TINAG: variants seen among roughly 807,000 people sequenced by gnomAD.
The protein encoded by TINAG is tubulointerstitial nephritis antigen.
In TINAG, 83 loss-of-function variants were observed where a neutral mutation model predicts 72.7. The ratio of observed to expected loss-of-function variants is 1.14; its 90% confidence interval spans 0.96 to 1.37. The LOEUF (loss-of-function observed/expected upper bound fraction) is 1.37. Among genes scored for constraint, TINAG ranks in the 40% most tolerant of loss-of-function variants. The pLI, the probability that TINAG is intolerant of heterozygous loss-of-function variation, is 0.00. For missense variants in TINAG, 685 were observed against 576.6 expected, an observed-to-expected ratio of 1.19 and a Z score of -1.93; for synonymous variants, 234 against 189.9, an observed-to-expected ratio of 1.23 and a Z score of -1.91.
At chr6:54,374,387 C>T (rs186548172) in intron 9 of TINAG, among the ~76,000 whole-genome samples, 1 of 152,156 alleles carries the variant, frequency 6.6e-6, no homozygotes, top group Non-Finnish European at 1.5e-5. Context: ...TAATATTTTG[C>T]TCAAGTAGAA....
intron 8 of TINAG, among the ~76,000 whole-genome samples, chr6:54,353,719 A>G (rs1785322286): frequency 6.6e-6 from 1 of 151,864 alleles, no homozygotes; most frequent in Admixed American, 6.6e-5. Context: ...TCTGTCAAAC[A>G]CTAGTTACCT....
At chr6:54,333,988 A>T (rs779491218) in intron 4 of TINAG, among the ~76,000 whole-genome samples, 8 of 152,182 alleles carry the variant, frequency 5.3e-5, no homozygotes, top group Non-Finnish European at 1.0e-4. Context: ...GTTTTCTAGC[A>T]TTCTTATGCT....
intron 9 of TINAG, chr6:54,369,777 T>C (rs990867388): frequency 6.6e-6 from 1 of 152,028 alleles, no homozygotes; most frequent in Non-Finnish European, 1.5e-5. Flanking sequence ...TAGAAACACA[T>C]AAATTTAATC....
At chr6:54,331,146 C>T (rs958348237) in intron 4 of TINAG, among the ~76,000 whole-genome samples, 1 of 152,104 alleles carries the variant, frequency 6.6e-6, no homozygotes, top group Non-Finnish European at 1.5e-5. Flanking sequence ...CTGGCAGAGA[C>T]ACGACAAAAA....
Position 54,308,741 on chromosome 6 carries a change from A to G in TINAG, c.191A>G (p.Glu64Gly), listed in dbSNP as rs1352182730. 3 of 1,613,788 alleles carry G rather than the reference A, an allele frequency of 1.9e-6. No homozygotes were observed. The highest frequency in any genetic ancestry group is 2.5e-6 in the Non-Finnish European group (3 of 1,179,904). Residue 64 changes from glutamate (E) to glycine (G), a missense_variant, in exon 1 of 11, where the codon GAA becomes GGA. Glu to Gly is a moderately conservative substitution (Grantham distance 98). Coordinates refer to ENST00000259782, the MANE Select transcript of TINAG (RefSeq NM_014464.4). Reference sequence around the variant, plus strand: ...TACTGTAGAAATTTTGGCTGTTGTGAAGACAGAGATGATGGCTGTGTCACT... The same window carrying G: ...TACTGTAGAAATTTTGGCTGTTGTGGAGACAGAGATGATGGCTGTGTCACT... ...GQYCRNFGCCEDRDDGCVTEF... is the reference protein window; with the variant it reads ...GQYCRNFGCCGDRDDGCVTEF...
intron 4 of TINAG, among the ~76,000 whole-genome samples, chr6:54,334,889 A>G (rs1275806233): frequency 1.3e-5 from 2 of 152,218 alleles, no homozygotes; most frequent in Non-Finnish European, 2.9e-5. Flanking sequence ...CCCTACAATC[A>G]TAAGATTTAA....
chr6:54,315,915 A>G (rs975874020), intron 1 of TINAG, among the ~76,000 whole-genome samples: 1 of 152,138 alleles, frequency 6.6e-6, no homozygotes, highest in African/African-American at 2.4e-5. Flanking sequence ...GAAGAGGGTT[A>G]TTTACTTCTT....
rs1322404016 is a variant in TINAG at position 54,347,877 on chromosome 6, T to C, written c.899+360T>C. ...CTGCTGTGCTTTTCAGTTACCCAGA[T>C]TGATGAACAGATAATGTCAGGTAAA... On this transcript the variant is annotated intron_variant, in intron 6 of 10. Coordinates refer to ENST00000259782, the MANE Select transcript of TINAG (RefSeq NM_014464.4). 3.3e-5 allele frequency among the ~76,000 whole-genome samples: 5 copies of C among 152,054 alleles called. No homozygotes were observed. In the South Asian group the frequency reaches 6.2e-4, roughly 19 times the overall value.
intron 9 of TINAG, among the ~76,000 whole-genome samples, chr6:54,368,062 G>T (rs541454766): frequency 1.3e-5 from 2 of 151,598 alleles, no homozygotes; most frequent in African/African-American, 2.4e-5. Context: ...ATTTTGGGGG[G>T]ACACAAACTT....
intron 3 of TINAG, 60 bp downstream of exon 3, chr6:54,321,446 T>C: frequency 8.6e-7 from 1 of 1,168,622 alleles, no homozygotes. Flanking sequence ...CAGGTTTCAA[T>C]GTATTGCTTG....
chr6:54,359,137 A>G (rs1763150532), intron 9 of TINAG, among the ~76,000 whole-genome samples: 1 of 151,910 alleles, frequency 6.6e-6, no homozygotes, highest in African/African-American at 2.4e-5. Flanking sequence ...CTTAAAATTC[A>G]TTCCATTTTA....
intron 1 of TINAG, among the ~76,000 whole-genome samples, chr6:54,313,781 T>C (rs1784311824): frequency 6.6e-6 from 1 of 152,126 alleles, no homozygotes; most frequent in Non-Finnish European, 1.5e-5. Context: ...TGATTTAAAA[T>C]AATAAAATAT....
intron 9 of TINAG, among the ~76,000 whole-genome samples, chr6:54,376,712 G>A (rs1249329804): frequency 1.3e-5 from 2 of 151,988 alleles, no homozygotes; most frequent in Admixed American, 6.6e-5. Flanking sequence ...AACCTTAGAA[G>A]TACAGGATCT....
chr6:54,321,506 G>T (rs1248102134), intron 3 of TINAG, 120 bp downstream of exon 3: 1 of 669,980 alleles, frequency 1.5e-6, no homozygotes, highest in East Asian at 2.8e-5. Flanking sequence ...AGAGAAATAG[G>T]AAGGGAGATA....
intron 4 of TINAG, among the ~76,000 whole-genome samples, chr6:54,339,229 T>C (rs1263556937): frequency 6.6e-6 from 1 of 152,206 alleles, no homozygotes; most frequent in African/African-American, 2.4e-5. Context: ...TTAAATAAGA[T>C]AGAAACTGAT....
At chr6:54,374,112 G>T (rs1763711372) in intron 9 of TINAG, among the ~76,000 whole-genome samples, 1 of 151,994 alleles carries the variant, frequency 6.6e-6, no homozygotes, top group Admixed American at 6.6e-5. Flanking sequence ...TCTTTTCATA[G>T]GTCAAATTAC....
chr6:54,351,287 A>G (rs979937800), intron 7 of TINAG, 65 bp from the exon 8 acceptor site: 1 of 1,407,144 alleles, frequency 7.1e-7, no homozygotes, highest in Non-Finnish European at 1.0e-6. Flanking sequence ...AACATTGTAC[A>G]CCAATCAATG....
At chr6:54,327,244 G>T in intron 4 of TINAG, 5 of 1,443,348 alleles carry the variant, frequency 3.5e-6, no homozygotes, top group Non-Finnish European at 4.6e-6. Context: ...ATTACCAACT[G>T]AGGTACACGG....
chr6:54,376,870 A>G (rs1763798153), intron 9 of TINAG, among the ~76,000 whole-genome samples: 1 of 152,140 alleles, frequency 6.6e-6, no homozygotes, highest in Admixed American at 6.6e-5. Context: ...AAGAGCTTAA[A>G]TAATTATGTG....
Sources: gnomAD v4.1 joint callset for allele counts (sites outside exome capture counted in the v4.1 genomes callset) on GRCh38, gnomAD v4.1.1 for gene constraint, MANE v1.5 for transcripts, NCBI Gene and HGNC (gene_info 2026-07-23, HGNC 2026-07-21) for gene names.